EYS: variants seen among roughly 807,000 people sequenced by gnomAD.
The protein encoded by EYS is protein eyes shut homolog.
A neutral mutation model predicts 282.1 loss-of-function variants in EYS; 250 were observed. That is an observed-to-expected ratio of 0.89 (90% CI 0.80 to 0.98). The LOEUF (loss-of-function observed/expected upper bound fraction) is 0.98. Ranked by LOEUF, EYS falls within the 50% of genes least tolerant of loss-of-function variation. The probability of loss-of-function intolerance (pLI) is 0.00; values close to 1 mark genes in which losing one functional copy is unlikely to be tolerated. For missense variants in EYS, 4,016 were observed against 3,709.0 expected (o/e 1.08, Z -2.15); for synonymous variants, 1,355 against 1,282.9 (o/e 1.06, Z -1.20).
chr6:63,935,946 C>A (rs1765044810), intron 35 of EYS, among the ~76,000 whole-genome samples: 1 of 152,188 alleles, frequency 6.6e-6, no homozygotes, highest in East Asian at 1.9e-4. Flanking sequence ...ACTTGATTCA[C>A]CCTGTTCCCT....
chr6:64,528,384 T>C (rs1053401035), intron 26 of EYS, among the ~76,000 whole-genome samples: 1 of 151,848 alleles, frequency 6.6e-6, no homozygotes, highest in Non-Finnish European at 1.5e-5. Flanking sequence ...TGGCTCTCAA[T>C]TCCAGGGTTC....
At chr6:64,619,410 G>T (rs563523356) in intron 23 of EYS, among the ~76,000 whole-genome samples, 1 of 152,138 alleles carries the variant, frequency 6.6e-6, no homozygotes, top group South Asian at 2.1e-4. Flanking sequence ...TTTTACAATA[G>T]AGTAGAGAGC....
At chr6:65,106,698 A>G (rs1775048019) in intron 12 of EYS, among the ~76,000 whole-genome samples, 1 of 152,106 alleles carries the variant, frequency 6.6e-6, no homozygotes. Context: ...TAGCCACTTC[A>G]GACATTTTAT....
At chr6:64,872,301 T>C (rs554530914) in intron 19 of EYS, among the ~76,000 whole-genome samples, 91 of 152,188 alleles carry the variant, frequency 6.0e-4, no homozygotes, top group African/African-American at 2.0e-3. Flanking sequence ...CTTATAAATA[T>C]TATCTCACCT....
chr6:65,475,525 T>A (rs912974257), intron 5 of EYS, among the ~76,000 whole-genome samples: 1 of 152,160 alleles, frequency 6.6e-6, no homozygotes, highest in African/African-American at 2.4e-5. Flanking sequence ...TAATTTTATA[T>A]TTAGTTAATG....
intron 22 of EYS, among the ~76,000 whole-genome samples, chr6:64,806,945 G>A (rs183364630): frequency 2.0e-5 from 3 of 152,154 alleles, no homozygotes; most frequent in Admixed American, 2.0e-4. Context: ...TATGTATAAT[G>A]TCTTTGCTTA....
chr6:65,235,289 A>G (rs980431368), intron 12 of EYS, among the ~76,000 whole-genome samples: 1 of 152,160 alleles, frequency 6.6e-6, no homozygotes, highest in Admixed American at 6.5e-5. Flanking sequence ...TGTCATCCTT[A>G]ATAGTACTGT....
At chr6:65,385,948 G>A (rs1405607782) in intron 7 of EYS, among the ~76,000 whole-genome samples, 1 of 151,840 alleles carries the variant, frequency 6.6e-6, no homozygotes, top group Middle Eastern at 3.2e-3. Context: ...AAGTTGATGA[G>A]TTTCAATTTT....
rs148432804 is a variant in EYS, at chr6:64,796,634, C to T, written c.3443+16744G>A. Among the ~76,000 whole-genome samples the T allele has an allele frequency of 1.3e-3, 205 of 152,276 alleles. 1 individual carries two copies. The highest frequency in any genetic ancestry group is 4.7e-3 in the African/African-American group (195 of 41,566). ...CAGGGAGAAATATCAGACCGATACA[C>T]ACAGACGCTATATTCTGAGGTATCC... On this transcript the variant is annotated intron_variant, in intron 22 of 42. Coordinates refer to ENST00000503581, the MANE Select transcript of EYS (RefSeq NM_001142800.2).
At chr6:63,778,310 T>C in intron 39 of EYS, 130 bp from the exon 40 acceptor site, 9 of 981,602 alleles carry the variant, frequency 9.2e-6, no homozygotes, top group Non-Finnish European at 1.4e-5. Context: ...TTAAAAGAAA[T>C]ATAAGAATAC....
chr6:64,659,505 G>A (rs1476582358), intron 22 of EYS, among the ~76,000 whole-genome samples: 1 of 151,640 alleles, frequency 6.6e-6, no homozygotes, highest in Non-Finnish European at 1.5e-5. Flanking sequence ...TAATAAAGAA[G>A]AAAAGAGAGA....
intron 1 of EYS, among the ~76,000 whole-genome samples, chr6:65,641,919 C>T (rs1767288569): frequency 6.6e-6 from 1 of 152,170 alleles, no homozygotes; most frequent in Non-Finnish European, 1.5e-5. Flanking sequence ...AATTAGTCAT[C>T]TCACAGAGTA....
chr6:63,879,153 T>C (rs2149717380), intron 35 of EYS, among the ~76,000 whole-genome samples: 1 of 152,286 alleles, frequency 6.6e-6, no homozygotes, highest in East Asian at 1.9e-4. Flanking sequence ...TTTGTCTAGC[T>C]GAGTAGATTT....
chr6:65,289,870 T>G (rs996318581), intron 12 of EYS, among the ~76,000 whole-genome samples: 1 of 150,984 alleles, frequency 6.6e-6, no homozygotes, highest in African/African-American at 2.4e-5. Context: ...AGAGCAAAAA[T>G]ATACCAAAAA....
chr6:63,871,626 C>G (rs1772807612), intron 35 of EYS, among the ~76,000 whole-genome samples: 1 of 152,138 alleles, frequency 6.6e-6, no homozygotes, highest in Admixed American at 6.5e-5. Flanking sequence ...CATGCCACTG[C>G]ACTCCAGCCT....
chr6:65,020,789 A>T (rs1351142487), intron 13 of EYS, among the ~76,000 whole-genome samples: 1 of 151,974 alleles, frequency 6.6e-6, no homozygotes, highest in Non-Finnish European at 1.5e-5. Context: ...GTTTCCATAC[A>T]TCCTCTGAAA....
At chr6:64,129,374 GTGA>G (rs1290997584) in intron 31 of EYS, among the ~76,000 whole-genome samples, 2 of 152,292 alleles carry the variant, frequency 1.3e-5, no homozygotes, top group Non-Finnish European at 2.9e-5. Context: ...CTGATGGCCA[GTGA>G]TGATGAACAT....
chr6:64,024,022 C>G (rs988066187), intron 33 of EYS, among the ~76,000 whole-genome samples: 2 of 152,204 alleles, frequency 1.3e-5, no homozygotes, highest in African/African-American at 4.8e-5. Context: ...CTCCCCCTCT[C>G]TCTGTGGGCT....
chr6:63,907,353 G>A (rs2149735377), intron 35 of EYS, among the ~76,000 whole-genome samples: 1 of 152,274 alleles, frequency 6.6e-6, no homozygotes, highest in Non-Finnish European at 1.5e-5. Flanking sequence ...ACACATGGCT[G>A]TGGGAGTGAG....
Sources: gnomAD v4.1 joint callset for allele counts (sites outside exome capture counted in the v4.1 genomes callset) on GRCh38, gnomAD v4.1.1 for gene constraint, MANE v1.5 for transcripts, NCBI Gene and HGNC (gene_info 2026-07-23, HGNC 2026-07-21) for gene names.